The following INF2 variants were observed in gnomAD, a reference collection of about 807,000 sequenced individuals.
INF2 encodes inverted formin 2.
INF2 carries 43 observed loss-of-function variants against 123.5 expected under a neutral mutation model. The ratio of observed to expected loss-of-function variants is 0.35; its 90% confidence interval spans 0.27 to 0.45. The LOEUF (loss-of-function observed/expected upper bound fraction) is 0.45, where lower values mean the gene tolerates loss of function less well. Among genes scored for constraint, INF2 ranks in the 20% least tolerant of loss-of-function variants. The probability of loss-of-function intolerance (pLI) is 1.00; values close to 1 mark genes in which losing one functional copy is unlikely to be tolerated. For synonymous variants in INF2, 851 were observed against 745.0 expected, an observed-to-expected ratio of 1.14 and a Z score of -2.32; for missense variants, 1,453 against 1,682.7, an observed-to-expected ratio of 0.86 and a Z score of 2.39.
intron 5 of INF2, 72 bp from the exon 6 acceptor site, chr14:104,705,963 G>T: frequency 1.3e-6 from 2 of 1,566,668 alleles, no homozygotes; most frequent in South Asian, 2.3e-5. Context: ...CACTGGCGCT[G>T]ACCCAGGCTG....
intron 5 of INF2, among the ~76,000 whole-genome samples, chr14:104,705,808 A>G (rs1225745564): frequency 1.3e-5 from 2 of 151,750 alleles, no homozygotes; most frequent in African/African-American, 4.8e-5. Flanking sequence ...GTGCCTGGTG[A>G]CCCGGGGGCA....
At chr14:104,704,285 A>C (rs1372116103) in intron 5 of INF2, 1 of 900,808 alleles carries the variant, frequency 1.1e-6, no homozygotes, top group African/African-American at 1.7e-5. Context: ...ATAAGAGGGA[A>C]CTACAGGGTG....
Position 104,718,501 on chromosome 14 carries a change from A to G in INF2, c.*2-294A>G, listed in dbSNP as rs4247033. On this transcript the variant is annotated intron_variant, in intron 22 of 22. Coordinates refer to ENST00000392634, the MANE Select transcript of INF2 (RefSeq NM_022489.4). ...ACAGAGTGCAGCCTGGGTCTCAGAC[A>G]GGGGGTGGGGGACAGGCCACAGAGA... 0.63 allele frequency among the ~76,000 whole-genome samples: 95,509 copies of G among 151,706 alleles called. 31,000 individuals carry two copies. Among genetic ancestry groups the G allele is most frequent in the East Asian group, 0.91 (4,635 of 5,114 alleles).
intron 1 of INF2, among the ~76,000 whole-genome samples, chr14:104,696,781 G>T (rs981085027): frequency 5.3e-5 from 8 of 152,120 alleles, no homozygotes; most frequent in Non-Finnish European, 1.0e-4. Context: ...CCTAGTTCCG[G>T]AATCCTCTCC....
intron 8 of INF2, 59 bp downstream of exon 8, chr14:104,708,061 G>T (rs1183488519): frequency 3.1e-6 from 5 of 1,596,090 alleles, no homozygotes; most frequent in Middle Eastern, 1.6e-4. Flanking sequence ...GGTCTCTGCT[G>T]GGGAGAGGGG....
rs774484640 is a variant in INF2, at chr14:104,708,683, G to T, written c.1900G>T (p.Asp634Tyr). ...GGGGGTTTTCTAGATCACTTTCCTC[G>T]ATGCCAAGAAGAGCCTGAACCTCAA... is the stretch of plus-strand genomic sequence containing the variant. ...RKEPKEITFL[D>Y]AKKSLNLNIF... The change falls in exon 10 of 23, where the codon GAT becomes TAT. Residue 634 changes from aspartate (D) to tyrosine (Y), a missense_variant. By Grantham distance (160) the Asp-to-Tyr change is radical (BLOSUM62 -3). This residue lies in a region of INF2 where 192 missense variants were observed against 274.4 expected (regional missense o/e 0.70). Coordinates refer to ENST00000392634, the MANE Select transcript of INF2 (RefSeq NM_022489.4). The T allele has an allele frequency of 6.2e-7, 1 of 1,613,022 alleles. No individual in the cohort carries two copies. The highest frequency in any genetic ancestry group is 1.1e-5 in the South Asian group (1 of 91,082).
chr14:104,715,582 C>A, intron 22 of INF2: 1 of 610,162 alleles, frequency 1.6e-6, no homozygotes, highest in Non-Finnish European at 2.9e-6. Context: ...TCAGTGCTGG[C>A]CCCGGGCATG....
intron 4 of INF2, 121 bp downstream of exon 4, chr14:104,703,575 G>C: frequency 7.3e-7 from 1 of 1,361,046 alleles, no homozygotes; most frequent in Non-Finnish European, 1.0e-6. Flanking sequence ...CAGGGCCCCA[G>C]AGGAAGGCGC....
chr14:104,717,055 A>G (rs1890330598), intron 22 of INF2, among the ~76,000 whole-genome samples: 3 of 152,178 alleles, frequency 2.0e-5, no homozygotes, highest in South Asian at 4.1e-4. Flanking sequence ...AATGAACAAC[A>G]CCTTCTCCCC....
chr14:104,694,174 C>T (rs554225334), intron 1 of INF2, among the ~76,000 whole-genome samples: 2 of 152,364 alleles, frequency 1.3e-5, no homozygotes, highest in Admixed American at 6.5e-5. Context: ...CAGGAGGGGC[C>T]ACACGGGCGG....
In INF2 at chr14:104,715,303, T is replaced by A. The variant is rs775075672; in HGVS notation, c.3714T>A (p.Asp1238Glu). The A allele has an allele frequency of 1.3e-5, 21 of 1,613,656 alleles. No individual in the cohort carries two copies. The highest frequency in any genetic ancestry group is 1.6e-5 in the Non-Finnish European group (19 of 1,179,854). ...RSQEEVPPDSDDNKTKKLCVI... is the reference protein window; with the variant it reads ...RSQEEVPPDSEDNKTKKLCVI... Reference sequence around the variant, plus strand: ...AAGCAGAGGTTCCCCCTGATTCTGATGATAATAAAACAAAGAAACTGTGTG... The same window carrying A: ...AAGCAGAGGTTCCCCCTGATTCTGAAGATAATAAAACAAAGAAACTGTGTG... The change falls in exon 22 of 23, where the codon GAT (aspartate) becomes GAA (glutamate). Residue 1238 changes from aspartate (D) to glutamate (E), a missense_variant. Around this residue, in one of 8 missense-constraint regions of INF2, gnomAD observed 344 missense variants for 333.1 expected, o/e 1.03. Coordinates refer to ENST00000392634, the MANE Select transcript of INF2 (RefSeq NM_022489.4).
intron 10 of INF2, 32 bp downstream of exon 10, chr14:104,708,764 C>T: frequency 6.2e-7 from 1 of 1,607,984 alleles, no homozygotes. Flanking sequence ...CATCCCAGGC[C>T]ACGGAGCCTC....
rs536296013 is a variant in INF2, at chr14:104,701,749, C to T, written c.384C>T (p.Leu128=). ...ILSNQGYVRQ[L]SQALDTSNVM... ...GCAACCAGGGCTACGTGCGCCAGCT[C>T]TCCCAGGGTGAGCCGCAGTGTGGGA... is the stretch of plus-strand genomic sequence containing the variant. The change falls in exon 2 of 23, where the codon CTC becomes CTT. Residue 128 remains leucine (L), a synonymous_variant. Coordinates refer to ENST00000392634, the MANE Select transcript of INF2 (RefSeq NM_022489.4). 4.2e-5 allele frequency: 63 copies of T among 1,509,356 alleles called. 1 individual carries two copies. The South Asian group carries it at 7.1e-4, about 17-fold the overall frequency. 93.5% of individuals were successfully genotyped at this position (1,509,356 alleles called of 1,614,324 possible).
rs376942822 is a variant in INF2, at chr14:104,707,393, A to G, written c.1126A>G (p.Thr376Ala). Residue 376 changes from threonine (T) to alanine (A), a missense_variant, in exon 8 of 23, where the codon ACT (threonine) becomes GCT (alanine). Transcript: ENST00000392634. Reference sequence around the variant, plus strand: ...CCAGAGGGGCAGCTCCCCGCAAAACACTACAACCCCCAAGCCCAGCGTGGA... The same window carrying G: ...CCAGAGGGGCAGCTCCCCGCAAAACGCTACAACCCCCAAGCCCAGCGTGGA... ...QSQRGSSPQN[T>A]TTPKPSVEGQ... 6.3e-7 allele frequency: 1 copy of G among 1,589,712 alleles called. No homozygotes were observed. Among genetic ancestry groups the G allele is most frequent in the Non-Finnish European group, 8.5e-7 (1 of 1,169,650 alleles).
intron 10 of INF2, among the ~76,000 whole-genome samples, chr14:104,709,013 G>A (rs922394002): frequency 3.3e-5 from 5 of 152,158 alleles, no homozygotes; most frequent in Admixed American, 2.6e-4. Flanking sequence ...TTCCTGCTGC[G>A]GGTGTCCAGC....
intron 1 of INF2, among the ~76,000 whole-genome samples, chr14:104,697,890 G>C (rs953561100): frequency 3.9e-5 from 6 of 152,332 alleles, no homozygotes; most frequent in East Asian, 3.9e-4. Flanking sequence ...GGACTGCCGG[G>C]GGGGGTGGAT....
At chr14:104,705,609 G>T (rs1211870569) in intron 5 of INF2, among the ~76,000 whole-genome samples, 1 of 152,134 alleles carries the variant, frequency 6.6e-6, no homozygotes, top group African/African-American at 2.4e-5. Context: ...CGCCCCTCCT[G>T]TATCCATGCA....
intron 22 of INF2, among the ~76,000 whole-genome samples, chr14:104,716,587 C>G (rs183371712): frequency 6.6e-6 from 1 of 152,242 alleles, no homozygotes. Context: ...CCACCTGGTT[C>G]CCTCCTGAAC....
At chr14:104,702,209 C>T (rs1411810144) in intron 2 of INF2, among the ~76,000 whole-genome samples, 1 of 152,136 alleles carries the variant, frequency 6.6e-6, no homozygotes, top group African/African-American at 2.4e-5. Flanking sequence ...TGGCCCACAC[C>T]TACTGATGGT....
Sources: gnomAD v4.1 joint callset for allele counts (sites outside exome capture counted in the v4.1 genomes callset) on GRCh38, gnomAD v4.1.1 for gene constraint, gnomAD v4.1.1 regional missense constraint, MANE v1.5 for transcripts, NCBI Gene and HGNC (gene_info 2026-07-23, HGNC 2026-07-21) for gene names.